The following TMX1 variants were observed in gnomAD, a reference collection of about 807,000 sequenced individuals.
TMX1 encodes thioredoxin related transmembrane protein 1.
TMX1 carries 25 observed loss-of-function variants against 36.6 expected under a neutral mutation model. The ratio of observed to expected loss-of-function variants is 0.68; its 90% confidence interval spans 0.50 to 0.95. The LOEUF (loss-of-function observed/expected upper bound fraction) is 0.95. Ranked by LOEUF, TMX1 falls within the 40% of genes least tolerant of loss-of-function variation. The probability of loss-of-function intolerance (pLI) is 0.00; values close to 1 mark genes in which losing one functional copy is unlikely to be tolerated. For missense variants in TMX1, 347 were observed against 339.6 expected (o/e 1.02, Z -0.17); for synonymous variants, 133 against 118.0 (o/e 1.13, Z -0.82).
rs995241666 is a variant in TMX1, at chr14:51,247,303, A to G, written c.443+83A>G. Reference sequence around the variant, plus strand: ...TATTTTATGTAAAGCATTCATACTCAGTTTGTTTCTTGAGCTGTTAAGGTA... The same window carrying G: ...TATTTTATGTAAAGCATTCATACTCGGTTTGTTTCTTGAGCTGTTAAGGTA... On this transcript the variant is annotated intron_variant, in intron 4 of 7. Coordinates refer to ENST00000457354, the MANE Select transcript of TMX1 (RefSeq NM_030755.5). The G allele has an allele frequency of 2.1e-6, 3 of 1,413,750 alleles. 1 individual carries two copies. In the South Asian group the frequency reaches 4.4e-5, roughly 21 times the overall value. 87.6% of individuals were successfully genotyped at this position (1,413,750 alleles called of 1,614,324 possible).
At chr14:51,240,495 C>T (rs1429736568) in intron 1 of TMX1, 51 bp downstream of exon 1, 8 of 1,581,752 alleles carry the variant, frequency 5.1e-6, no homozygotes, top group Non-Finnish European at 6.0e-6. Flanking sequence ...CACACGACTT[C>T]ACCCCGCACG....
At chr14:51,245,208 T>C (rs1040443648) in intron 2 of TMX1, 105 bp from the exon 3 acceptor site, 17 of 1,313,330 alleles carry the variant, frequency 1.3e-5, no homozygotes, top group Non-Finnish European at 1.8e-5. Flanking sequence ...TTAGGTATAA[T>C]TTCATATTCT....
At chr14:51,242,198 C>A (rs1264071210) in intron 1 of TMX1, among the ~76,000 whole-genome samples, 1 of 152,130 alleles carries the variant, frequency 6.6e-6, no homozygotes, top group African/African-American at 2.4e-5. Flanking sequence ...ATGTAGTCTG[C>A]AATTCTGAAA....
chr14:51,251,203 T>G (rs901644247), intron 7 of TMX1, among the ~76,000 whole-genome samples: 1 of 152,248 alleles, frequency 6.6e-6, no homozygotes, highest in African/African-American at 2.4e-5. Context: ...TTTACGATGG[T>G]GCAAAATGAA....
chr14:51,254,465 G>T lies in TMX1; in HGVS notation c.789G>T (p.Gln263His). Residue 263 changes from glutamine to histidine, a missense_variant, in exon 8 of 8, where the codon CAG becomes CAT. Physicochemically the swap from Gln to His is conservative, Grantham distance 24. Transcript: ENST00000457354. ...SKEGTNKDFP[Q>H]NAIRQRSLGP... ...AAGGAACAAACAAAGACTTTCCACA[G>T]AATGCCATAAGACAACGCTCTCTGG... 6.2e-7 allele frequency: 1 copy of T among 1,611,152 alleles called. No individual in the cohort carries two copies. The highest frequency in any genetic ancestry group is 8.5e-7 in the Non-Finnish European group (1 of 1,179,014).
Position 51,249,559 on chromosome 14 carries a change from T to C in TMX1, c.581T>C (p.Leu194Ser), listed in dbSNP as rs938247646. The change falls in exon 6 of 8, where the codon TTA becomes TCA. Residue 194 changes from leucine to serine, a missense_variant. Physicochemically the swap from Leu to Ser is moderately radical, Grantham distance 145 (BLOSUM62 -2). Transcript: ENST00000457354. ...FALATLFSGL[L>S]LGLCMIFVAD... Reference sequence around the variant, plus strand: ...TTAGCAACTCTGTTTTCCGGACTGTTATTAGGACTCGTAAGTATTTCATTT... The same window carrying C: ...TTAGCAACTCTGTTTTCCGGACTGTCATTAGGACTCGTAAGTATTTCATTT... The C allele has an allele frequency of 9.9e-6, 16 of 1,613,578 alleles. No individual in the cohort carries two copies. The highest frequency in any genetic ancestry group is 1.3e-5 in the Non-Finnish European group (15 of 1,179,792).
intron 7 of TMX1, among the ~76,000 whole-genome samples, chr14:51,251,480 T>C (rs115333338): frequency 0.011 from 1,673 of 152,292 alleles, 22 homozygotes; most frequent in East Asian, 0.064. Flanking sequence ...GTCTTCACCC[T>C]CACATAAATC....
chr14:51,240,557 C>T, intron 1 of TMX1, 113 bp downstream of exon 1: 1 of 1,405,308 alleles, frequency 7.1e-7, no homozygotes, highest in Non-Finnish European at 9.4e-7. Flanking sequence ...AGTTGCGGAG[C>T]GAGCGTCCCC....
intron 7 of TMX1, among the ~76,000 whole-genome samples, chr14:51,251,455 G>C (rs1348568316): frequency 1.3e-5 from 2 of 150,818 alleles, no homozygotes; most frequent in Non-Finnish European, 3.0e-5. Context: ...ATTATGTTTT[G>C]TTTTTTTATA....
chr14:51,240,288 G>A lies in TMX1; in HGVS notation c.-5G>A, dbSNP rs1268783586. ...GCGCTCCCTGTGAGGTGGGCAAGCGGCGAAATGGCGCCCTCCGGGAGTCTT... is the reference window on the plus strand; with the variant it reads ...GCGCTCCCTGTGAGGTGGGCAAGCGACGAAATGGCGCCCTCCGGGAGTCTT... On this transcript the variant is annotated 5_prime_UTR_variant, in exon 1 of 8. Coordinates refer to ENST00000457354, the MANE Select transcript of TMX1 (RefSeq NM_030755.5). The A allele has an allele frequency of 6.2e-7, 1 of 1,609,070 alleles. No individual in the cohort carries two copies. Among genetic ancestry groups the A allele is most frequent in the East Asian group, 2.2e-5 (1 of 44,872 alleles).
chr14:51,241,563 C>A (rs1012203303), intron 1 of TMX1, among the ~76,000 whole-genome samples: 2 of 152,162 alleles, frequency 1.3e-5, no homozygotes, highest in African/African-American at 4.8e-5. Context: ...TGTTAGAACA[C>A]CTTCTTCTTT....
chr14:51,250,580 C>T (rs1738136640), intron 7 of TMX1, among the ~76,000 whole-genome samples: 1 of 152,216 alleles, frequency 6.6e-6, no homozygotes, highest in South Asian at 2.1e-4. Flanking sequence ...CAACCTCTGC[C>T]TTCCGGGTTC....
At chr14:51,248,765 T>G (rs934323103) in intron 4 of TMX1, among the ~76,000 whole-genome samples, 1 of 152,348 alleles carries the variant, frequency 6.6e-6, no homozygotes, top group East Asian at 1.9e-4. Context: ...TTATGTAAAA[T>G]ACTAATTTTT....
At chr14:51,244,555 C>G (rs1487956837) in intron 2 of TMX1, among the ~76,000 whole-genome samples, 2 of 152,002 alleles carry the variant, frequency 1.3e-5, no homozygotes, top group African/African-American at 4.8e-5. Context: ...TGACTTGGTC[C>G]CTGGACAAGT....
rs1336903516 is a variant in TMX1 at position 51,257,385 on chromosome 14, A to G, written c.*2866A>G. On this transcript the variant is annotated 3_prime_UTR_variant, in exon 8 of 8. Coordinates refer to ENST00000457354, the MANE Select transcript of TMX1 (RefSeq NM_030755.5). ...TGAACATTTTGGCTCATATTTTATG[A>G]CATTGTAGTTCATCCCCATGGTCAA... The G allele has an allele frequency of 6.6e-6, 1 of 152,208 alleles. No homozygotes were observed. The highest frequency in any genetic ancestry group is 6.5e-5 in the Admixed American group (1 of 15,282). 9.4% of individuals were successfully genotyped at this position (152,208 alleles called of 1,614,324 possible).
intron 4 of TMX1, among the ~76,000 whole-genome samples, chr14:51,248,222 G>A (rs2065795532): frequency 6.6e-6 from 1 of 152,194 alleles, no homozygotes; most frequent in South Asian, 2.1e-4. Flanking sequence ...GGCCTCACTG[G>A]TCATGTGAGA....
In TMX1 at chr14:51,255,841, A is replaced by G. The variant is rs1402999779; in HGVS notation, c.*1322A>G. 8 of 152,282 alleles carry G rather than the reference A, an allele frequency of 5.3e-5. No individual in the cohort carries two copies. The highest frequency in any genetic ancestry group is 1.3e-4 in the Admixed American group (2 of 15,286). 9.4% of individuals were successfully genotyped at this position (152,282 alleles called of 1,614,324 possible). ...TCAACTGACCATTACGTAGTAGACA[A>G]TTTCTGTAATGTCCCCTTCTTTCTA... On this transcript the variant is annotated 3_prime_UTR_variant, in exon 8 of 8. Coordinates refer to ENST00000457354, the MANE Select transcript of TMX1 (RefSeq NM_030755.5).
At position 51,243,945 on chromosome 14, in the gene TMX1, C is replaced by T. The variant is rs775236782; in HGVS notation, c.242C>T (p.Ala81Val). The T allele has an allele frequency of 1.6e-5, 26 of 1,610,050 alleles. No individual in the cohort carries two copies. Among genetic ancestry groups the T allele is most frequent in the East Asian group, 4.5e-5 (2 of 44,788 alleles). Reference sequence around the variant, plus strand: ...GGAGAAGATCTTGAGGTTAATATTGCGAAAGTAGATGTCACAGAGCAGCCA... The same window carrying T: ...GGAGAAGATCTTGAGGTTAATATTGTGAAAGTAGATGTCACAGAGCAGCCA... ...EWGEDLEVNI[A>V]KVDVTEQPGL... Residue 81 changes from alanine (A) to valine (V), a missense_variant, in exon 2 of 8, where the codon GCG becomes GTG. Coordinates refer to ENST00000457354, the MANE Select transcript of TMX1 (RefSeq NM_030755.5).
Position 51,249,202 on chromosome 14 carries a change from G to A in TMX1, c.444-124G>A, listed in dbSNP as rs563281430. 4.2e-6 allele frequency: 3 copies of A among 710,490 alleles called. No individual in the cohort carries two copies. In the East Asian group the frequency reaches 8.1e-5, roughly 19 times the overall value. 44.0% of individuals were successfully genotyped at this position (710,490 alleles called of 1,614,324 possible). Reference sequence around the variant, plus strand: ...ATTACAGGCATGAAATCAGTGATGTGTCACTAGTCTTGATTAACAGCAATA... The same window carrying A: ...ATTACAGGCATGAAATCAGTGATGTATCACTAGTCTTGATTAACAGCAATA... On this transcript the variant is annotated intron_variant, in intron 4 of 7. Coordinates refer to ENST00000457354, the MANE Select transcript of TMX1 (RefSeq NM_030755.5).
Sources: allele counts gnomAD v4.1 joint callset (sites outside exome capture counted in the v4.1 genomes callset), GRCh38; gene constraint gnomAD v4.1.1; transcripts MANE v1.5; gene names NCBI Gene and HGNC (gene_info 2026-07-23, HGNC 2026-07-21).